The following HTR1F variants were observed in gnomAD, a reference collection of about 807,000 sequenced individuals.
HTR1F encodes the protein 5-hydroxytryptamine receptor 1F.
HTR1F carries 17 observed loss-of-function variants against 24.0 expected under a neutral mutation model. The observed-to-expected ratio is 0.71, with a 90% CI of 0.48 to 1.06. The LOEUF is 1.06. Ranked by LOEUF, HTR1F falls within the 50% of genes least tolerant of loss-of-function variation. The pLI is 0.00. For synonymous variants in HTR1F, 186 were observed against 156.8 expected (o/e 1.19, Z -1.39); for missense variants, 391 against 427.8 (o/e 0.91, Z 0.76).
At chr3:87,881,530 G>C (rs1705799881) in intron 2 of HTR1F, among the ~76,000 whole-genome samples, 1 of 152,162 alleles carries the variant, frequency 6.6e-6, no homozygotes. Context: ...GCAGCAGACA[G>C]AACAGAGCCC....
At position 87,982,725 on chromosome 3, in the gene HTR1F, A is replaced by G. The variant is rs555844859; in HGVS notation, c.-42-7983A>G. Reference sequence around the variant, plus strand: ...CTAACCCTCAGAGGAGAGCACTCTGATAACATTTGTCTGGGTGAATTTCAG... The same window carrying G: ...CTAACCCTCAGAGGAGAGCACTCTGGTAACATTTGTCTGGGTGAATTTCAG... On this transcript the variant is annotated intron_variant, in intron 2 of 2. Transcript: ENST00000319595. 5.3e-5 allele frequency among the ~76,000 whole-genome samples: 8 copies of G among 152,320 alleles called. No homozygotes were observed. The East Asian group carries it at 1.2e-3, about 22-fold the overall frequency.
intron 2 of HTR1F, among the ~76,000 whole-genome samples, chr3:87,899,215 T>G (rs1228261297): frequency 6.6e-6 from 1 of 152,188 alleles, no homozygotes; most frequent in Non-Finnish European, 1.5e-5. Context: ...GCAACTGATA[T>G]CCTCAGTCTC....
intron 2 of HTR1F, among the ~76,000 whole-genome samples, chr3:87,960,074 T>C (rs1705029075): frequency 6.6e-6 from 1 of 151,904 alleles, no homozygotes; most frequent in Non-Finnish European, 1.5e-5. Context: ...TAGCTACACA[T>C]TAAAATCACC....
At chr3:87,888,763 C>T (rs1445405447) in intron 2 of HTR1F, among the ~76,000 whole-genome samples, 1 of 152,092 alleles carries the variant, frequency 6.6e-6, no homozygotes, top group Admixed American at 6.6e-5. Flanking sequence ...CTAAAAGTAC[C>T]TACCTCAAGG....
chr3:87,929,595 A>G (rs1704211655), intron 2 of HTR1F, among the ~76,000 whole-genome samples: 1 of 152,148 alleles, frequency 6.6e-6, no homozygotes, highest in Non-Finnish European at 1.5e-5. Flanking sequence ...ACTTTGTGGA[A>G]GATCAGATGG....
chr3:87,975,934 C>T (rs1441533820), intron 2 of HTR1F, among the ~76,000 whole-genome samples: 2 of 152,184 alleles, frequency 1.3e-5, no homozygotes, highest in Non-Finnish European at 2.9e-5. Context: ...TTTCAACTGA[C>T]AGCAATTAGC....
chr3:87,984,626 C>A (rs370312414), intron 2 of HTR1F, among the ~76,000 whole-genome samples: 93 of 152,188 alleles, frequency 6.1e-4, no homozygotes, highest in African/African-American at 2.1e-3. Flanking sequence ...CCACACCCAG[C>A]TAATTATTTG....
intron 2 of HTR1F, among the ~76,000 whole-genome samples, chr3:87,978,974 A>G: frequency 8.4e-6 from 1 of 118,528 alleles, no homozygotes; most frequent in African/African-American, 3.3e-5. Flanking sequence ...CTAGTGCTAC[A>G]CCCTAATGGG....
intron 2 of HTR1F, among the ~76,000 whole-genome samples, chr3:87,986,824 G>GC (rs1705671465): frequency 6.6e-6 from 1 of 152,166 alleles, no homozygotes; most frequent in African/African-American, 2.4e-5. Flanking sequence ...ACCATTGCAG[G>GC]CCGGGCATGG....
chr3:87,823,204 G>A (rs768343589), intron 2 of HTR1F, among the ~76,000 whole-genome samples: 2 of 152,106 alleles, frequency 1.3e-5, no homozygotes, highest in African/African-American at 2.4e-5. Context: ...GGAATGTACT[G>A]TCTATTGCAA....
intron 2 of HTR1F, among the ~76,000 whole-genome samples, chr3:87,915,798 G>T (rs1191312995): frequency 2.0e-5 from 3 of 152,088 alleles, no homozygotes; most frequent in Non-Finnish European, 1.5e-5. Context: ...AACTAATCAA[G>T]GAAAACTTCC....
At chr3:87,826,631 A>G (rs1704469480) in intron 2 of HTR1F, among the ~76,000 whole-genome samples, 1 of 152,112 alleles carries the variant, frequency 6.6e-6, no homozygotes, top group South Asian at 2.1e-4. Flanking sequence ...TTTCCAGCTT[A>G]GTGTTCCTAT....
At chr3:87,921,362 A>G (rs1176871454) in intron 2 of HTR1F, among the ~76,000 whole-genome samples, 1 of 151,998 alleles carries the variant, frequency 6.6e-6, no homozygotes, top group African/African-American at 2.4e-5. Flanking sequence ...AATATTAACT[A>G]ATGGATTATT....
chr3:87,866,705 T>G (rs1170355061), intron 2 of HTR1F, among the ~76,000 whole-genome samples: 1 of 151,978 alleles, frequency 6.6e-6, no homozygotes, highest in African/African-American at 2.4e-5. Flanking sequence ...AATTGGATGT[T>G]TGTTTTCTTA....
intron 2 of HTR1F, among the ~76,000 whole-genome samples, chr3:87,938,875 C>G (rs1301969479): frequency 6.6e-6 from 1 of 152,122 alleles, no homozygotes; most frequent in Non-Finnish European, 1.5e-5. Context: ...GACATAGGAA[C>G]AGGCAAAGAT....
intron 2 of HTR1F, among the ~76,000 whole-genome samples, chr3:87,973,678 T>G (rs1200869212): frequency 6.6e-6 from 1 of 151,644 alleles, no homozygotes. Context: ...AGTGAGAAAA[T>G]AAAAATAAAA....
intron 1 of HTR1F, among the ~76,000 whole-genome samples, 191 bp downstream of exon 1, chr3:87,793,033 T>C (rs946083572): frequency 3.3e-5 from 5 of 152,200 alleles, no homozygotes; most frequent in African/African-American, 1.2e-4. Context: ...AATTCAAGAA[T>C]TGCCCTTTCC....
At chr3:87,826,355 TAA>T (rs1043553076) in intron 2 of HTR1F, among the ~76,000 whole-genome samples, 4 of 152,194 alleles carry the variant, frequency 2.6e-5, no homozygotes, top group African/African-American at 9.6e-5. Context: ...TGATTTCCCC[TAA>T]GTTACAAGCA....
At chr3:87,846,707 A>G (rs1381066581) in intron 2 of HTR1F, among the ~76,000 whole-genome samples, 1 of 151,968 alleles carries the variant, frequency 6.6e-6, no homozygotes, top group East Asian at 1.9e-4. Flanking sequence ...CGGTAATATA[A>G]TAAGTTGCTT....
Sources: gnomAD v4.1 joint callset for allele counts (sites outside exome capture counted in the v4.1 genomes callset) on GRCh38, gnomAD v4.1.1 for gene constraint, MANE v1.5 for transcripts, NCBI Gene and HGNC (gene_info 2026-07-23, HGNC 2026-07-21) for gene names.